Variants in SCHIP1 observed in about 807,000 individuals in gnomAD.
The protein encoded by SCHIP1 is schwannomin interacting protein 1, also known as schwannomin-interacting protein 1.
SCHIP1 carries 8 observed loss-of-function variants against 29.7 expected under a neutral mutation model. The ratio of observed to expected loss-of-function variants is 0.27; its 90% CI spans 0.16 to 0.49. SCHIP1 has a LOEUF of 0.49. Among genes scored for constraint, SCHIP1 ranks in the 20% least tolerant of loss-of-function variants. The pLI is 0.99. For synonymous variants in SCHIP1, 76 were observed against 94.9 expected (o/e 0.80, Z 1.16); for missense variants, 193 against 294.6 (o/e 0.66, Z 2.52).
At chr3:159,564,484 C>G in the SCHIP1 span, among the ~76,000 whole-genome samples, 1 of 152,068 alleles carries the variant, frequency 6.6e-6, no homozygotes, top group Admixed American at 6.5e-5. Context: ...TCAAGTGATT[C>G]TCCTGCCTCA....
chr3:159,704,140 T>A, the SCHIP1 span, among the ~76,000 whole-genome samples: 1 of 152,132 alleles, frequency 6.6e-6, no homozygotes, highest in Non-Finnish European at 1.5e-5. Context: ...ATATCCATAC[T>A]AAAATTGCAC....
intron 1 of SCHIP1, among the ~76,000 whole-genome samples, chr3:159,860,031 G>A (rs763990969): frequency 1.2e-4 from 18 of 151,578 alleles, no homozygotes; most frequent in Non-Finnish European, 1.5e-4. Context: ...GTCTGTCTGC[G>A]TGTGTGCACA....
chr3:159,857,926 T>C (rs1713577348), intron 1 of SCHIP1, among the ~76,000 whole-genome samples: 2 of 152,198 alleles, frequency 1.3e-5, no homozygotes, highest in Admixed American at 1.3e-4. Context: ...AGCAGGGTCT[T>C]CTTGACTCCA....
At chr3:159,789,016 C>T in the SCHIP1 span, among the ~76,000 whole-genome samples, 2 of 152,078 alleles carry the variant, frequency 1.3e-5, no homozygotes, top group South Asian at 4.1e-4. Flanking sequence ...TGCAAATATT[C>T]CAAAATCCAA....
At chr3:159,642,700 A>G in the SCHIP1 span, among the ~76,000 whole-genome samples, 1 of 152,120 alleles carries the variant, frequency 6.6e-6, no homozygotes, top group Non-Finnish European at 1.5e-5. Flanking sequence ...ATTGGGGGAC[A>G]CAGGGACAGA....
the SCHIP1 span, among the ~76,000 whole-genome samples, chr3:159,713,244 GAAA>G: frequency 6.6e-5 from 8 of 121,186 alleles, no homozygotes; most frequent in Admixed American, 5.4e-4. Flanking sequence ...AAGAAAGAAA[GAAA>G]GAAAGAAAGA....
the SCHIP1 span, among the ~76,000 whole-genome samples, chr3:159,715,482 G>C: frequency 6.6e-6 from 1 of 152,126 alleles, no homozygotes; most frequent in Non-Finnish European, 1.5e-5. Flanking sequence ...TGAACCCATC[G>C]CAAAGAAGCT....
At chr3:159,426,983 A>T in the SCHIP1 span, among the ~76,000 whole-genome samples, 2 of 152,236 alleles carry the variant, frequency 1.3e-5, no homozygotes, top group African/African-American at 2.4e-5. Context: ...AAAATTCAAC[A>T]ATGCTTCATG....
the SCHIP1 span, among the ~76,000 whole-genome samples, chr3:159,547,304 C>G: frequency 6.6e-6 from 1 of 152,112 alleles, no homozygotes; most frequent in South Asian, 2.1e-4. Context: ...CTTGTAGACT[C>G]TGAATATTAG....
At chr3:159,764,380 G>A in the SCHIP1 span, 4 of 1,505,178 alleles carry the variant, frequency 2.7e-6, no homozygotes, top group South Asian at 1.4e-5. The surrounding 1 kb of genome is among the most constrained non-coding windows in gnomAD (Gnocchi z 6.1). Flanking sequence ...GGCATTTGGG[G>A]CGGGTGGCGG....
chr3:159,485,916 A>C, the SCHIP1 span, among the ~76,000 whole-genome samples: 1 of 151,996 alleles, frequency 6.6e-6, no homozygotes, highest in Non-Finnish European at 1.5e-5. Flanking sequence ...CTTCTTCCAA[A>C]CCCCACTTAC....
chr3:159,492,977 C>T, the SCHIP1 span, among the ~76,000 whole-genome samples: 1 of 152,128 alleles, frequency 6.6e-6, no homozygotes, highest in African/African-American at 2.4e-5. Context: ...AGTTTCAACC[C>T]AGAATTTCAT....
At chr3:159,883,344 C>T (rs925602580) in intron 2 of SCHIP1, among the ~76,000 whole-genome samples, 11 of 152,108 alleles carry the variant, frequency 7.2e-5, no homozygotes, top group African/African-American at 2.7e-4. Context: ...TGAGGGCAGC[C>T]AGATGCACTG....
At chr3:159,610,956 G>C in the SCHIP1 span, among the ~76,000 whole-genome samples, 8 of 152,132 alleles carry the variant, frequency 5.3e-5, no homozygotes, top group African/African-American at 1.9e-4. Flanking sequence ...GCAGTTCACA[G>C]ATTTAAAAAT....
the SCHIP1 span, among the ~76,000 whole-genome samples, chr3:159,299,798 C>A: frequency 1.3e-5 from 2 of 152,152 alleles, no homozygotes; most frequent in Non-Finnish European, 2.9e-5. Flanking sequence ...TCTTCCCTGA[C>A]GTAGCCTTGT....
chr3:159,561,336 T>A, the SCHIP1 span, among the ~76,000 whole-genome samples: 7 of 152,178 alleles, frequency 4.6e-5, no homozygotes, highest in African/African-American at 9.7e-5. Context: ...CCCCACTGGG[T>A]TTTCCTCCAC....
At chr3:159,611,418 C>T in the SCHIP1 span, among the ~76,000 whole-genome samples, 1 of 151,158 alleles carries the variant, frequency 6.6e-6, no homozygotes, top group Admixed American at 6.6e-5. Context: ...TCTCAGCAAA[C>T]TAACACAGGA....
chr3:159,302,140 T>A, the SCHIP1 span, among the ~76,000 whole-genome samples: 1 of 152,222 alleles, frequency 6.6e-6, no homozygotes, highest in Non-Finnish European at 1.5e-5. Context: ...GTGCACCAGC[T>A]GCTGTTGCTA....
In SCHIP1 at chr3:159,839,971, G is replaced by T. The variant is rs1266526248; in HGVS notation, c.-214G>T. 4.2e-6 allele frequency: 6 copies of T among 1,425,196 alleles called. No homozygotes were observed. The East Asian group carries it at 1.3e-4, about 31-fold the overall frequency. The allele number at this position is 1,425,196 out of a possible 1,614,324, so 88.3% of individuals were successfully genotyped here. A position where few individuals can be genotyped will look rare whatever the true frequency, so the allele number is the denominator to read the frequency against. ...AAGCCTGCCTCACTGGTTTCGGAGG[G>T]CTGGAGAGCAGCTCAGCTCGCTAGC... On this transcript the variant is annotated 5_prime_UTR_variant, in exon 1 of 7. Transcript: ENST00000445224.
Sources: gnomAD v4.1 joint callset for allele counts (sites outside exome capture counted in the v4.1 genomes callset) on GRCh38, gnomAD v4.1.1 for gene constraint, Gnocchi (gnomAD v3.1) non-coding constraint, MANE v1.5 for transcripts, NCBI Gene and HGNC (gene_info 2026-07-23, HGNC 2026-07-21) for gene names.